GPR158: variants seen among roughly 807,000 people sequenced by gnomAD.
GPR158 encodes the protein G protein-coupled receptor 158, also known as metabotropic glycine receptor.
In GPR158, 30 loss-of-function variants were observed where a neutral mutation model predicts 78.2. That is an observed-to-expected ratio of 0.38 (90% CI 0.29 to 0.52). The LOEUF is 0.52. Among genes scored for constraint, GPR158 ranks in the 20% least tolerant of loss-of-function variants. The pLI, the probability that GPR158 is intolerant of heterozygous loss-of-function variation, is 0.83. For synonymous variants in GPR158, 581 were observed against 591.1 expected, an observed-to-expected ratio of 0.98 and a Z score of 0.25; for missense variants, 1,463 against 1,523.5, an observed-to-expected ratio of 0.96 and a Z score of 0.66.
intron 2 of GPR158, among the ~76,000 whole-genome samples, chr10:25,327,488 G>A (rs1399515307): frequency 2.6e-5 from 4 of 152,190 alleles, no homozygotes; most frequent in Non-Finnish European, 5.9e-5. Context: ...GAATTAAATG[G>A]TGCACACTGG....
At chr10:25,186,711 T>G (rs1320788251) in intron 1 of GPR158, among the ~76,000 whole-genome samples, 1 of 152,162 alleles carries the variant, frequency 6.6e-6, no homozygotes, top group Non-Finnish European at 1.5e-5. Flanking sequence ...TAACAGGCTC[T>G]GAAATTGAGG....
In GPR158 at chr10:25,466,787, T is replaced by TACAC. The variant is rs71399973; in HGVS notation, c.1404+84_1404+87dup. On this transcript the variant is annotated intron_variant, in intron 5 of 10. Coordinates refer to ENST00000376351, the MANE Select transcript of GPR158 (RefSeq NM_020752.3). ...TGTTGCATACTATAAAGTTACTGTT[T>TACAC]ACACACACACACACACACATACACA... The TACAC allele has an allele frequency of 1.4e-3, 958 of 707,390 alleles. 1 individual carries two copies. The highest frequency in any genetic ancestry group is 1.9e-3 in the Admixed American group (70 of 37,280). The allele number at this position is 707,390 out of a possible 1,614,324, so 43.8% of individuals were successfully genotyped here.
chr10:25,258,858 G>C (rs954977703), intron 2 of GPR158, among the ~76,000 whole-genome samples: 16 of 152,232 alleles, frequency 1.1e-4, no homozygotes, highest in African/African-American at 3.1e-4. Flanking sequence ...TGGAAGCCTT[G>C]TCTGTAACAT....
Position 25,302,872 on chromosome 10 carries a change from T to C in GPR158, c.1008+81715T>C, listed in dbSNP as rs182642538. ...AGAATGGATTTTTAAAAACAACTTA[T>C]GAATAACGTGAAGAAGAAACAGCAA... On this transcript the variant is annotated intron_variant, in intron 2 of 10. Transcript: ENST00000376351. 2.4e-3 allele frequency among the ~76,000 whole-genome samples: 364 copies of C among 152,302 alleles called. 2 individuals carry two copies. The highest frequency in any genetic ancestry group is 8.3e-3 in the African/African-American group (347 of 41,578).
At chr10:25,381,610 T>C (rs2130565680) in intron 2 of GPR158, among the ~76,000 whole-genome samples, 1 of 152,278 alleles carries the variant, frequency 6.6e-6, no homozygotes, top group African/African-American at 2.4e-5. Context: ...AGGAGGGACA[T>C]GGTTTCCATT....
rs1837486240 is a variant in GPR158 at position 25,600,795 on chromosome 10, A to G, written c.*1521A>G. 1 of 152,312 alleles carries G rather than the reference A, an allele frequency of 6.6e-6. No homozygotes were observed. Among genetic ancestry groups the G allele is most frequent in the African/African-American group, 2.4e-5 (1 of 41,452 alleles). 9.4% of individuals were successfully genotyped at this position (152,312 alleles called of 1,614,324 possible). On this transcript the variant is annotated 3_prime_UTR_variant, in exon 11 of 11. Coordinates refer to ENST00000376351, the MANE Select transcript of GPR158 (RefSeq NM_020752.3). ...GTAAGGTCCATTTGCAAAGCAAAGC[A>G]GCCCCCAAAGCATATTTTATAAAGC...
chr10:25,461,501 C>T (rs1182938746), intron 4 of GPR158, among the ~76,000 whole-genome samples: 3 of 152,130 alleles, frequency 2.0e-5, no homozygotes, highest in African/African-American at 7.2e-5. Context: ...GTTGAGGAAA[C>T]TACAGAAGAA....
chr10:25,179,242 T>A (rs1254399393), intron 1 of GPR158, among the ~76,000 whole-genome samples: 2 of 152,198 alleles, frequency 1.3e-5, no homozygotes, highest in African/African-American at 4.8e-5. Flanking sequence ...AAGGTAAACC[T>A]CAAATGAATT....
chr10:25,349,420 C>A (rs1212261949), intron 2 of GPR158, among the ~76,000 whole-genome samples: 1 of 128,060 alleles, frequency 7.8e-6, no homozygotes, highest in Non-Finnish European at 1.5e-5. Context: ...TGTGTCCCCA[C>A]CAAAATCTCA....
Position 25,327,876 on chromosome 10 carries a change from T to C in GPR158, c.1009-68035T>C, listed in dbSNP as rs193280952. Among the ~76,000 whole-genome samples, 504 of 152,322 alleles carry C rather than the reference T, an allele frequency of 3.3e-3. 3 individuals carry two copies. The highest frequency in any genetic ancestry group is 0.011 in the African/African-American group (465 of 41,566). On this transcript the variant is annotated intron_variant, in intron 2 of 10. Coordinates refer to ENST00000376351, the MANE Select transcript of GPR158 (RefSeq NM_020752.3). Reference sequence around the variant, plus strand: ...AAATGATTGGAATATTTTTAAAATTTATATTTTTTGAAAGTTTGTATACAT... The same window carrying C: ...AAATGATTGGAATATTTTTAAAATTCATATTTTTTGAAAGTTTGTATACAT...
intron 2 of GPR158, among the ~76,000 whole-genome samples, chr10:25,362,810 C>T (rs1855659966): frequency 6.6e-6 from 1 of 151,838 alleles, no homozygotes; most frequent in African/African-American, 2.4e-5. Context: ...TTACTGAATT[C>T]ATTTATTAGT....
At chr10:25,386,423 T>A (rs1332263990) in intron 2 of GPR158, among the ~76,000 whole-genome samples, 1 of 152,150 alleles carries the variant, frequency 6.6e-6, no homozygotes. Context: ...TTTCGGGTGC[T>A]TGGGATTCCA....
chr10:25,296,643 C>A (rs1419658404), intron 2 of GPR158, among the ~76,000 whole-genome samples: 1 of 151,640 alleles, frequency 6.6e-6, no homozygotes, highest in Non-Finnish European at 1.5e-5. Context: ...ATAATCATAA[C>A]TAACATGTAT....
Position 25,334,135 on chromosome 10 carries a change from TA to T in GPR158, c.1009-61772del, listed in dbSNP as rs545896723. Among the ~76,000 whole-genome samples the T allele has an allele frequency of 5.3e-5, 8 of 152,222 alleles. No individual in the cohort carries two copies. In the South Asian group the frequency reaches 1.7e-3, roughly 32 times the overall value. ...AGAGAATATTTTATGTATAAAAAGT[TA>T]AAATGGAATTTTTAAAAAGACAACA... On this transcript the variant is annotated intron_variant, in intron 2 of 10. Transcript: ENST00000376351.
In GPR158 at chr10:25,176,367, TC is replaced by T. The variant is rs1419005470; in HGVS notation, c.902+47del. ...AGGGGGGAAGGCAAAAGCGAAGCTT[TC>T]CTTCCGGTCTTGTGGGTGGGTGCAC... On this transcript the variant is annotated intron_variant, in intron 1 of 10. Coordinates refer to ENST00000376351, the MANE Select transcript of GPR158 (RefSeq NM_020752.3). The surrounding 1 kb of genome is among the most constrained non-coding windows in gnomAD (Gnocchi z 6.3). The T allele has an allele frequency of 2.8e-6, 4 of 1,426,264 alleles. No homozygotes were observed. Among genetic ancestry groups the T allele is most frequent in the African/African-American group, 1.4e-5 (1 of 70,764 alleles). 88.4% of individuals were successfully genotyped at this position (1,426,264 alleles called of 1,614,324 possible). A position where few individuals can be genotyped will look rare whatever the true frequency, so the allele number is the denominator to read the frequency against.
At chr10:25,580,603 A>C (rs1020190812) in intron 7 of GPR158, among the ~76,000 whole-genome samples, 2 of 152,240 alleles carry the variant, frequency 1.3e-5, no homozygotes, top group Non-Finnish European at 2.9e-5. Context: ...AAAATAGATT[A>C]GACTTTCTCG....
At chr10:25,485,231 A>G (rs1564468533) in intron 5 of GPR158, among the ~76,000 whole-genome samples, 1 of 150,992 alleles carries the variant, frequency 6.6e-6, no homozygotes, top group African/African-American at 2.4e-5. Context: ...GGTTGCAAGT[A>G]TTTTTTTTTA....
At chr10:25,250,929 T>A (rs1246195005) in intron 2 of GPR158, among the ~76,000 whole-genome samples, 1 of 151,464 alleles carries the variant, frequency 6.6e-6, no homozygotes, top group African/African-American at 2.4e-5. Flanking sequence ...AGTCTCCCAT[T>A]ATTATTGTGT....
At chr10:25,511,975 CAT>C (rs1245637573) in intron 5 of GPR158, among the ~76,000 whole-genome samples, 1 of 152,056 alleles carries the variant, frequency 6.6e-6, no homozygotes, top group African/African-American at 2.4e-5. Flanking sequence ...GTGATGCCTC[CAT>C]ATTTGTTCTC....
Sources: gnomAD v4.1 joint callset for allele counts (sites outside exome capture counted in the v4.1 genomes callset) on GRCh38, gnomAD v4.1.1 for gene constraint, Gnocchi (gnomAD v3.1) non-coding constraint, MANE v1.5 for transcripts, NCBI Gene and HGNC (gene_info 2026-07-23, HGNC 2026-07-21) for gene names.